The following TMEM44 variants were observed in gnomAD, a reference collection of about 807,000 sequenced individuals.
TMEM44 encodes the protein transmembrane protein 44.
In TMEM44, 43 loss-of-function variants were observed where a neutral mutation model predicts 47.8. That is an observed-to-expected ratio of 0.90 (90% CI 0.70 to 1.16). The LOEUF (loss-of-function observed/expected upper bound fraction) is 1.16, where lower values mean the gene tolerates loss of function less well. Ranked by LOEUF, TMEM44 falls within the 50% of genes most tolerant of loss-of-function variation. TMEM44 has a pLI of 0.00. For missense variants in TMEM44, 568 were observed against 555.2 expected, an observed-to-expected ratio of 1.02 and a Z score of -0.23; for synonymous variants, 277 against 238.8, an observed-to-expected ratio of 1.16 and a Z score of -1.48.
chr3:194,616,164 G>A (rs778430919), intron 6 of TMEM44, among the ~76,000 whole-genome samples: 18 of 151,836 alleles, frequency 1.2e-4, no homozygotes, highest in African/African-American at 2.7e-4. Context: ...CGATTCTCTC[G>A]CCTCAGCCTC....
At chr3:194,616,773 T>C (rs1320363979) in intron 6 of TMEM44, 4 of 413,450 alleles carry the variant, frequency 9.7e-6, no homozygotes, top group Non-Finnish European at 1.9e-5. Context: ...CATGCACCTG[T>C]AGTCCCAGCT....
At chr3:194,615,319 A>C (rs1447435024) in intron 7 of TMEM44, among the ~76,000 whole-genome samples, 2 of 152,162 alleles carry the variant, frequency 1.3e-5, no homozygotes, top group Non-Finnish European at 2.9e-5. Context: ...GGAATTCCCA[A>C]GCCCCGGCCC....
intron 9 of TMEM44, among the ~76,000 whole-genome samples, chr3:194,597,551 T>A (rs1216839796): frequency 6.6e-6 from 1 of 150,824 alleles, no homozygotes; most frequent in Non-Finnish European, 1.5e-5. Context: ...TCCCAGCTAC[T>A]TGGGAGGCTA....
chr3:194,594,467 G>A (rs538862640), intron 9 of TMEM44, among the ~76,000 whole-genome samples: 21 of 151,708 alleles, frequency 1.4e-4, no homozygotes, highest in Non-Finnish European at 1.9e-4. Flanking sequence ...CCAGCCAGGC[G>A]TAAATCATTT....
intron 1 of TMEM44, among the ~76,000 whole-genome samples, chr3:194,630,086 C>T (rs1405497177): frequency 9.5e-6 from 1 of 105,644 alleles, no homozygotes; most frequent in Non-Finnish European, 1.9e-5. Context: ...ACCTGCCTCC[C>T]GAAGGGGCTG....
chr3:194,621,875 C>T (rs2108596079), intron 5 of TMEM44, among the ~76,000 whole-genome samples: 1 of 152,306 alleles, frequency 6.6e-6, no homozygotes, highest in Non-Finnish European at 1.5e-5. Context: ...CCACGCCTGG[C>T]TAGTTTTTGT....
intron 6 of TMEM44, 187 bp downstream of exon 6, chr3:194,616,912 A>C (rs1715961232): frequency 5.8e-6 from 4 of 689,870 alleles, no homozygotes; most frequent in Middle Eastern, 5.0e-4. Context: ...ACAAACAAAA[A>C]AAGGAAACAT....
chr3:194,617,158 G>T lies in TMEM44; in HGVS notation c.724C>A (p.Leu242Met). The change falls in exon 6 of 10, where the codon CTG becomes ATG. Residue 242 changes from leucine (L) to methionine (M), a missense_variant. Leu to Met is a conservative substitution (Grantham distance 15). Transcript: ENST00000347147. The part of the protein sequence containing the change: ...IVAHDQHPEY[L>M]LRATPWFLTS... Reference sequence around the variant, plus strand: ...AGGAACCAGGGTGTGGCCCGCAGCAGGTACTCAGGGTGCTGGTCGTGGGCC... The same window carrying T: ...AGGAACCAGGGTGTGGCCCGCAGCATGTACTCAGGGTGCTGGTCGTGGGCC... The T allele has an allele frequency of 6.4e-7, 1 of 1,558,704 alleles. No homozygotes were observed.
intron 5 of TMEM44, among the ~76,000 whole-genome samples, chr3:194,619,309 G>A (rs2108593700): frequency 6.6e-6 from 1 of 152,372 alleles, no homozygotes; most frequent in South Asian, 2.1e-4. Context: ...ACAAACAGTA[G>A]ATGCTTAATC....
At chr3:194,605,172 G>T (rs1395307834) in intron 8 of TMEM44, among the ~76,000 whole-genome samples, 1 of 142,008 alleles carries the variant, frequency 7.0e-6, no homozygotes, top group Non-Finnish European at 1.5e-5. Flanking sequence ...ATCTATTTAT[G>T]TATCTGTCTA....
intron 5 of TMEM44, 112 bp from the exon 6 acceptor site, chr3:194,617,381 C>A: frequency 1.7e-6 from 2 of 1,194,402 alleles, no homozygotes; most frequent in Non-Finnish European, 2.3e-6. Flanking sequence ...GCCAGTCCTC[C>A]AGGGCAATGC....
chr3:194,630,838 G>A (rs1474307044), intron 1 of TMEM44, among the ~76,000 whole-genome samples: 36 of 148,268 alleles, frequency 2.4e-4, no homozygotes, highest in African/African-American at 8.3e-4. Context: ...TCACTGATAG[G>A]GCCTCTGAAA....
At chr3:194,590,763 G>T (rs1016947069) in intron 9 of TMEM44, among the ~76,000 whole-genome samples, 4 of 152,114 alleles carry the variant, frequency 2.6e-5, no homozygotes, top group Non-Finnish European at 5.9e-5. Flanking sequence ...AGCTCCTAGG[G>T]TGATTCTTAG....
chr3:194,605,366 A>G (rs112476721), intron 8 of TMEM44, among the ~76,000 whole-genome samples: 1,805 of 152,322 alleles, frequency 0.012, 37 homozygotes, highest in African/African-American at 0.038. Context: ...CTAATTAACC[A>G]TGTGATCTAA....
chr3:194,628,323 GA>G, intron 2 of TMEM44, 59 bp downstream of exon 2: 1 of 1,561,754 alleles, frequency 6.4e-7, no homozygotes, highest in Non-Finnish European at 8.7e-7. Context: ...GCAGCAGAGA[GA>G]AAGGCCAGGC....
chr3:194,610,647 C>A (rs1314027113), intron 8 of TMEM44, among the ~76,000 whole-genome samples: 13 of 152,142 alleles, frequency 8.5e-5, no homozygotes, highest in Non-Finnish European at 5.9e-5. Context: ...AACTGGCCAC[C>A]TCCTTGAGCC....
chr3:194,598,971 G>C (rs1374996949), intron 9 of TMEM44, among the ~76,000 whole-genome samples: 9 of 152,216 alleles, frequency 5.9e-5, no homozygotes, highest in Admixed American at 5.9e-4. Context: ...GTAACAGACA[G>C]ACAACGGGAG....
In TMEM44 at chr3:194,623,173, G is replaced by A. The variant is rs570106388; in HGVS notation, c.612+51C>T. ...TGACCCTCTCAGGATGCTCCCAGAT[G>A]CCCTGAGACTGTCATGTGACCCACA... On this transcript the variant is annotated intron_variant, in intron 5 of 9. Transcript: ENST00000347147. The A allele has an allele frequency of 2.9e-5, 45 of 1,525,790 alleles. 1 individual carries two copies. Among genetic ancestry groups the A allele is most frequent in the South Asian group, 1.8e-4 (15 of 83,188 alleles). The allele number at this position is 1,525,790 out of a possible 1,614,324, so 94.5% of individuals were successfully genotyped here.
At chr3:194,626,518 G>A (rs185038745) in intron 2 of TMEM44, among the ~76,000 whole-genome samples, 134 of 152,212 alleles carry the variant, frequency 8.8e-4, no homozygotes, top group African/African-American at 2.2e-3. Flanking sequence ...AGTTTGAATC[G>A]CGGAATCTTG....
Sources: allele counts gnomAD v4.1 joint callset (sites outside exome capture counted in the v4.1 genomes callset), GRCh38; gene constraint gnomAD v4.1.1; transcripts MANE v1.5; gene names NCBI Gene and HGNC (gene_info 2026-07-23, HGNC 2026-07-21).